B3GALT1: variants seen among roughly 807,000 people sequenced by gnomAD.
B3GALT1 encodes the protein beta-1,3-galactosyltransferase 1, also known as UDP-Gal:betaGlcNAc beta 1,3-galactosyltransferase, polypeptide 1.
B3GALT1 carries 10 observed loss-of-function variants against 23.2 expected under a neutral mutation model. That is an observed-to-expected ratio of 0.43 (90% CI 0.27 to 0.73). The LOEUF (loss-of-function observed/expected upper bound fraction) is 0.73. Among genes scored for constraint, B3GALT1 ranks in the 30% least tolerant of loss-of-function variants. The pLI, the probability that B3GALT1 is intolerant of heterozygous loss-of-function variation, is 0.21. For synonymous variants in B3GALT1, 156 were observed against 141.5 expected (o/e 1.10, Z -0.73); for missense variants, 299 against 405.4 (o/e 0.74, Z 2.25).
intron 4 of B3GALT1, among the ~76,000 whole-genome samples, chr2:167,865,098 G>A (rs1008486516): frequency 6.6e-6 from 1 of 152,002 alleles, no homozygotes; most frequent in African/African-American, 2.4e-5. Context: ...AAAATCACGC[G>A]GAAAAGTATC....
intron 2 of B3GALT1, among the ~76,000 whole-genome samples, chr2:167,633,541 T>C (rs1685494263): frequency 6.6e-6 from 1 of 150,904 alleles, no homozygotes; most frequent in African/African-American, 2.4e-5. Flanking sequence ...AATCCTAGTC[T>C]CTCATAAAAC....
intron 4 of B3GALT1, among the ~76,000 whole-genome samples, chr2:167,840,418 T>A (rs1262743469): frequency 6.6e-6 from 1 of 151,822 alleles, no homozygotes; most frequent in Non-Finnish European, 1.5e-5. Context: ...AAAAAACACA[T>A]GAAAAAATGC....
At chr2:167,403,333 C>G (rs1698224124) in intron 1 of B3GALT1, among the ~76,000 whole-genome samples, 1 of 151,952 alleles carries the variant, frequency 6.6e-6, no homozygotes, top group Non-Finnish European at 1.5e-5. Flanking sequence ...TCATCCATGT[C>G]CCTTCAAAGG....
At chr2:167,613,226 C>T (rs959323019) in intron 2 of B3GALT1, among the ~76,000 whole-genome samples, 25 of 151,622 alleles carry the variant, frequency 1.6e-4, no homozygotes, top group East Asian at 5.8e-4. Context: ...TTAATGTTAA[C>T]GAAGTTTATC....
intron 1 of B3GALT1, among the ~76,000 whole-genome samples, chr2:167,400,166 CTGTGTGTGTG>C (rs149993955): frequency 6.9e-6 from 1 of 145,696 alleles, no homozygotes; most frequent in African/African-American, 2.5e-5. Context: ...ACATCTATGT[CTGTGTGTGTG>C]TGTGTGTGTG....
At chr2:167,416,745 C>T (rs983656029) in intron 1 of B3GALT1, among the ~76,000 whole-genome samples, 5 of 152,186 alleles carry the variant, frequency 3.3e-5, no homozygotes, top group African/African-American at 1.2e-4. Context: ...ATGGGGCTAC[C>T]TGAAGCCTTG....
intron 1 of B3GALT1, among the ~76,000 whole-genome samples, chr2:167,325,702 C>CTTTTTT (rs61066636): frequency 4.3e-4 from 47 of 110,560 alleles, no homozygotes; most frequent in African/African-American, 1.3e-3. Context: ...ACCCTGTTTT[C>CTTTTTT]TTTTTTTTTT....
At chr2:167,488,349 C>T (rs1207695614) in intron 1 of B3GALT1, among the ~76,000 whole-genome samples, 1 of 152,112 alleles carries the variant, frequency 6.6e-6, no homozygotes, top group Non-Finnish European at 1.5e-5. Flanking sequence ...GTCTGTTTTC[C>T]CCCAACAGAC....
intron 3 of B3GALT1, among the ~76,000 whole-genome samples, chr2:167,649,634 G>T (rs1597242): frequency 0.92 from 140,324 of 152,156 alleles, 65,190 homozygotes; most frequent in South Asian, 0.98. Context: ...TCAGTAATTT[G>T]TTTCCTTTTT....
rs1696895109 is a variant in B3GALT1, at chr2:167,326,374, C to T, written c.-511+33040C>T. On this transcript the variant is annotated intron_variant, in intron 1 of 4. Transcript: ENST00000392690. The stretch of plus-strand genomic sequence containing the variant: ...TGAGTGGTTTGTAAACATTTTCTCC[C>T]ATTAAAAAGGTTTTCTCTTTACTCT... 2.0e-5 allele frequency among the ~76,000 whole-genome samples: 3 copies of T among 151,880 alleles called. 1 individual carries two copies. Among genetic ancestry groups the T allele is most frequent in the South Asian group, 4.1e-4 (2 of 4,824 alleles).
intron 2 of B3GALT1, among the ~76,000 whole-genome samples, chr2:167,499,148 C>G (rs1699814995): frequency 6.6e-6 from 1 of 152,034 alleles, no homozygotes; most frequent in Admixed American, 6.6e-5. Context: ...CTTTTTCTTT[C>G]TCAACTCCAC....
chr2:167,580,281 C>G (rs2105406893), intron 2 of B3GALT1, among the ~76,000 whole-genome samples: 1 of 152,214 alleles, frequency 6.6e-6, no homozygotes, highest in South Asian at 2.1e-4. Flanking sequence ...GCTTTAGTTA[C>G]TCTAAAATAA....
intron 1 of B3GALT1, among the ~76,000 whole-genome samples, chr2:167,331,061 C>G (rs562586634): frequency 6.6e-6 from 1 of 152,152 alleles, no homozygotes; most frequent in African/African-American, 2.4e-5. Flanking sequence ...ATTCTGGATA[C>G]ATACAGTAGT....
intron 4 of B3GALT1, among the ~76,000 whole-genome samples, chr2:167,821,820 C>T (rs1005293239): frequency 1.3e-5 from 2 of 152,138 alleles, no homozygotes; most frequent in African/African-American, 4.8e-5. Context: ...GGTAGCTTTA[C>T]AGGAAGTACA....
intron 2 of B3GALT1, among the ~76,000 whole-genome samples, chr2:167,548,716 G>GTGTGTGTA (rs1328519962): frequency 6.6e-6 from 1 of 150,544 alleles, no homozygotes; most frequent in African/African-American, 2.5e-5. Flanking sequence ...GTGTGTGTGT[G>GTGTGTGTA]TATGTGTGTG....
At chr2:167,559,224 C>T (rs1202299003) in intron 2 of B3GALT1, among the ~76,000 whole-genome samples, 2 of 152,196 alleles carry the variant, frequency 1.3e-5, no homozygotes, top group Admixed American at 6.5e-5. Flanking sequence ...CTCTAGCAAA[C>T]TCCAACAGAC....
chr2:167,576,950 A>G (rs535078260), intron 2 of B3GALT1, among the ~76,000 whole-genome samples: 2 of 151,860 alleles, frequency 1.3e-5, no homozygotes, highest in South Asian at 2.1e-4. Flanking sequence ...GAGAAATCCT[A>G]TCCCTGATTT....
chr2:167,473,867 T>G (rs1559107979), intron 1 of B3GALT1, among the ~76,000 whole-genome samples: 2 of 152,148 alleles, frequency 1.3e-5, no homozygotes, highest in African/African-American at 4.8e-5. Context: ...AGAACTTAAA[T>G]GTCGTAGAGT....
chr2:167,420,472 T>G (rs1698529810), intron 1 of B3GALT1, among the ~76,000 whole-genome samples: 1 of 152,222 alleles, frequency 6.6e-6, no homozygotes, highest in African/African-American at 2.4e-5. Context: ...AAAGATGGTG[T>G]GGTTTTGTTT....
Sources: allele counts gnomAD v4.1 joint callset (sites outside exome capture counted in the v4.1 genomes callset), GRCh38; gene constraint gnomAD v4.1.1; transcripts MANE v1.5; gene names NCBI Gene and HGNC (gene_info 2026-07-23, HGNC 2026-07-21).